Variants in FGFR1 observed in about 807,000 individuals in gnomAD.
FGFR1 encodes the protein fibroblast growth factor receptor 1.
Under a neutral mutation model 93.7 loss-of-function variants are expected in FGFR1, and 18 were observed. The observed-to-expected ratio is 0.19, with a 90% CI of 0.13 to 0.28. The LOEUF is 0.28. Among genes scored for constraint, FGFR1 ranks in the 10% least tolerant of loss-of-function variants. The probability of loss-of-function intolerance (pLI) is 1.00; values close to 1 mark genes in which losing one functional copy is unlikely to be tolerated. For synonymous variants in FGFR1, 448 were observed against 429.3 expected, an observed-to-expected ratio of 1.04 and a Z score of -0.54; for missense variants, 731 against 1,080.4, an observed-to-expected ratio of 0.68 and a Z score of 4.53.
At chr8:38,441,583 T>C (rs1481223643) in intron 2 of FGFR1, among the ~76,000 whole-genome samples, 1 of 152,184 alleles carries the variant, frequency 6.6e-6, no homozygotes, top group African/African-American at 2.4e-5. Context: ...CTCCCTCCTA[T>C]CTAAACAGGA....
At chr8:38,453,078 C>T (rs1273835923) in intron 2 of FGFR1, among the ~76,000 whole-genome samples, 4 of 152,222 alleles carry the variant, frequency 2.6e-5, no homozygotes, top group African/African-American at 9.7e-5. Flanking sequence ...TTCCTTACAG[C>T]TTACAAAGCA....
chr8:38,442,229 AC>A (rs1827735650), intron 2 of FGFR1, among the ~76,000 whole-genome samples: 1 of 152,102 alleles, frequency 6.6e-6, no homozygotes, highest in African/African-American at 2.4e-5. Context: ...CTCAGGTTGG[AC>A]CGGGGCAGGG....
At position 38,417,977 on chromosome 8, in the gene FGFR1, T is replaced by C; in HGVS notation, c.1445A>G (p.Lys482Arg). The part of the protein sequence containing the change: ...ELPRDRLVLG[K>R]PLGEGCFGQV... ...CCCAAAGCAGCCCTCTCCCAGGGGT[T>C]TGCCTAAGACCAGTCTTTCGGGGGA... Residue 482 changes from lysine to arginine, a missense_variant, in exon 11 of 18, where the codon AAA (lysine) becomes AGA (arginine). By Grantham distance (26) the Lys-to-Arg change is conservative. Coordinates refer to ENST00000447712, the MANE Select transcript of FGFR1 (RefSeq NM_023110.3). 1 of 1,614,212 alleles carries C rather than the reference T, an allele frequency of 6.2e-7. No homozygotes were observed. Among genetic ancestry groups the C allele is most frequent in the Non-Finnish European group, 8.5e-7 (1 of 1,180,034 alleles).
In FGFR1 at chr8:38,413,145, A is replaced by C; in HGVS notation, c.*483T>G. The stretch of plus-strand genomic sequence containing the variant: ...AATTAATAAGCCACTGGCACCACCT[A>C]TCTGGGGCAGAGGTCACCTTCAATC... On this transcript the variant is annotated 3_prime_UTR_variant, in exon 18 of 18. Coordinates refer to ENST00000447712, the MANE Select transcript of FGFR1 (RefSeq NM_023110.3). This position sits in a 1 kb window ranked among gnomAD's most constrained non-coding sequence, Gnocchi z 4.2. The C allele has an allele frequency of 8.3e-6, 2 of 241,918 alleles. No individual in the cohort carries two copies. Among genetic ancestry groups the C allele is most frequent in the Non-Finnish European group, 1.6e-5 (2 of 123,322 alleles). 15.0% of individuals were successfully genotyped at this position (241,918 alleles called of 1,614,324 possible). A position where few individuals can be genotyped will look rare whatever the true frequency, so the allele number is the denominator to read the frequency against.
At chr8:38,452,380 G>T (rs1480376205) in intron 2 of FGFR1, among the ~76,000 whole-genome samples, 1 of 151,860 alleles carries the variant, frequency 6.6e-6, no homozygotes, top group Non-Finnish European at 1.5e-5. Flanking sequence ...TTAAAGACAG[G>T]GTCTCCTTCT....
intron 2 of FGFR1, among the ~76,000 whole-genome samples, chr8:38,433,911 A>G (rs906206384): frequency 6.6e-6 from 1 of 152,196 alleles, no homozygotes. Context: ...CCTGACCCAT[A>G]GTAGTCACTC....
chr8:38,450,650 A>G (rs1447468561), intron 2 of FGFR1, among the ~76,000 whole-genome samples: 1 of 152,162 alleles, frequency 6.6e-6, no homozygotes, highest in Non-Finnish European at 1.5e-5. Flanking sequence ...GACTCCAGGT[A>G]GTCACAGGAA....
chr8:38,459,292 C>G (rs945130461), intron 1 of FGFR1, among the ~76,000 whole-genome samples: 3 of 152,146 alleles, frequency 2.0e-5, no homozygotes, highest in Non-Finnish European at 1.5e-5. Flanking sequence ...AGCCCTGCCT[C>G]CCCCGAGCCA....
chr8:38,429,850 T>C lies in FGFR1; in HGVS notation c.190A>G (p.Ile64Val), dbSNP rs2150962863. The C allele has an allele frequency of 6.2e-7, 1 of 1,614,008 alleles. No individual in the cohort carries two copies. Among genetic ancestry groups the C allele is most frequent in the Non-Finnish European group, 8.5e-7 (1 of 1,179,996 alleles). Residue 64 changes from isoleucine to valine, a missense_variant, in exon 3 of 18, where the codon ATC (isoleucine) becomes GTC (valine). Physicochemically the swap from Ile to Val is conservative, Grantham distance 29. Transcript: ENST00000447712. This position sits in a 1 kb window ranked among gnomAD's most constrained non-coding sequence, Gnocchi z 4.4. ...TGCACCCCGTCCCGCAGCCAGTTGA[T>C]GCTCTGCACATCGTCCCGCAGCCGA... ...RCRLRDDVQSINWLRDGVQLA... is the reference protein window; with the variant it reads ...RCRLRDDVQSVNWLRDGVQLA...
intron 1 of FGFR1, among the ~76,000 whole-genome samples, chr8:38,458,560 T>A (rs1193670603): frequency 6.6e-6 from 1 of 151,384 alleles, no homozygotes; most frequent in Non-Finnish European, 1.5e-5. Context: ...AAAAAAAAAA[T>A]TTTAAAAAGA....
At position 38,422,927 on chromosome 8, in the gene FGFR1, G is replaced by A. The variant is rs951211814; in HGVS notation, c.937-986C>T. 7.3e-6 allele frequency: 5 copies of A among 681,384 alleles called. No individual in the cohort carries two copies. The African/African-American group carries it at 8.9e-5, about 12-fold the overall frequency. 42.2% of individuals were successfully genotyped at this position (681,384 alleles called of 1,614,324 possible). ...CTCTGGGCACTAGAAATACAGTAGG[G>A]TGGCAAGGACAGTCCAGTACTGGCT... On this transcript the variant is annotated intron_variant, in intron 7 of 17. Transcript: ENST00000447712.
At position 38,424,206 on chromosome 8, in the gene FGFR1, G is replaced by A. The variant is rs1202737519; in HGVS notation, c.936+303C>T. 1.9e-6 allele frequency: 1 copy of A among 528,842 alleles called. No individual in the cohort carries two copies. The highest frequency in any genetic ancestry group is 3.7e-5 in the East Asian group (1 of 27,070). The allele number at this position is 528,842 out of a possible 1,614,324, so 32.8% of individuals were successfully genotyped here. A position where few individuals can be genotyped will look rare whatever the true frequency, so the allele number is the denominator to read the frequency against. On this transcript the variant is annotated intron_variant, in intron 7 of 17. Transcript: ENST00000447712. The surrounding 1 kb of genome is among the most constrained non-coding windows in gnomAD (Gnocchi z 4.3). ...TGGTTTCGGGCAATGAAAAGGCAGG[G>A]GTCCAAATGCCTTCCTTGTGTAGCT...
intron 1 of FGFR1, chr8:38,461,345 T>C (rs1834359799): frequency 1.8e-6 from 1 of 567,706 alleles, no homozygotes; most frequent in Non-Finnish European, 3.1e-6. Flanking sequence ...AATCTTTTTA[T>C]TCTTTCTGAG....
Position 38,432,852 on chromosome 8 carries a change from T to C in FGFR1, c.92-2904A>G, listed in dbSNP as rs1045586862. Among the ~76,000 whole-genome samples, 5 of 149,240 alleles carry C rather than the reference T, an allele frequency of 3.4e-5. No individual in the cohort carries two copies. In the Admixed American group the frequency reaches 3.4e-4, roughly 10 times the overall value. ...CCTTCAAGACTCCCTGCAATTGGCT[T>C]CCACTCTCTCCACCCAGCCCCATTC... On this transcript the variant is annotated intron_variant, in intron 2 of 17. Transcript: ENST00000447712.
intron 9 of FGFR1, 163 bp from the exon 10 acceptor site, chr8:38,418,536 C>T: frequency 1.2e-6 from 1 of 832,208 alleles, no homozygotes; most frequent in Non-Finnish European, 1.9e-6. Context: ...GGCCAGGAGG[C>T]CCAACTTCTA....
chr8:38,466,656 GAGGTGGTCAAGAC>G, intron 1 of FGFR1: 1 of 227,234 alleles, frequency 4.4e-6, no homozygotes. Flanking sequence ...GTTAAGGAGG[GAGGTGGTCAAGAC>G]AGGCTGAAGA....
intron 1 of FGFR1, among the ~76,000 whole-genome samples, chr8:38,463,601 G>C (rs867878199): frequency 6.6e-6 from 1 of 152,056 alleles, no homozygotes; most frequent in South Asian, 2.1e-4. Flanking sequence ...GGATGAATGA[G>C]TAAGTGAATG....
intron 1 of FGFR1, among the ~76,000 whole-genome samples, chr8:38,459,499 A>G (rs749795397): frequency 6.6e-6 from 1 of 152,244 alleles, no homozygotes; most frequent in Non-Finnish European, 1.5e-5. Context: ...CTTTTACGAA[A>G]GGAATCAGAA....
chr8:38,418,682 T>C, intron 9 of FGFR1: 1 of 437,214 alleles, frequency 2.3e-6, no homozygotes, highest in Non-Finnish European at 4.2e-6. Flanking sequence ...TCCTGACTCT[T>C]TGCAAATACT....
Sources: allele counts gnomAD v4.1 joint callset (sites outside exome capture counted in the v4.1 genomes callset), GRCh38; gene constraint gnomAD v4.1.1; non-coding constraint Gnocchi (gnomAD v3.1); transcripts MANE v1.5; gene names NCBI Gene and HGNC (gene_info 2026-07-23, HGNC 2026-07-21).